WDR93: variants seen among roughly 807,000 people sequenced by gnomAD.
WDR93 encodes the protein WD repeat-containing protein 93.
A neutral mutation model predicts 82.9 loss-of-function variants in WDR93; 73 were observed. That is an observed-to-expected ratio of 0.88 (90% confidence interval 0.73 to 1.07). WDR93 has a LOEUF of 1.07. Ranked by LOEUF, WDR93 falls within the 50% of genes least tolerant of loss-of-function variation. The probability of loss-of-function intolerance (pLI) is 0.00; values close to 1 mark genes in which losing one functional copy is unlikely to be tolerated. For synonymous variants in WDR93, 283 were observed against 300.1 expected (o/e 0.94, Z 0.59); for missense variants, 738 against 826.0 (o/e 0.89, Z 1.31).
At chr15:89,698,523 TTAAG>T (rs1262101867) in intron 1 of WDR93, among the ~76,000 whole-genome samples, 2 of 152,236 alleles carry the variant, frequency 1.3e-5, no homozygotes, top group African/African-American at 4.8e-5. Flanking sequence ...CTTTTTTAAA[TTAAG>T]TATTTAAATT....
intron 1 of WDR93, among the ~76,000 whole-genome samples, chr15:89,694,949 C>T (rs1243636121): frequency 2.6e-5 from 4 of 152,010 alleles, no homozygotes; most frequent in Non-Finnish European, 4.4e-5. Flanking sequence ...CTTTTTCCAC[C>T]GAATTGTCTT....
At position 89,703,010 on chromosome 15, in the gene WDR93, A is replaced by C; in HGVS notation, c.364A>C (p.Lys122Gln). Residue 122 changes from lysine (K) to glutamine (Q), a missense_variant, in exon 3 of 17, where the codon AAA becomes CAA. By Grantham distance (53) the Lys-to-Gln change is moderately conservative. Transcript: ENST00000268130. Reference protein sequence around the residue: ...SQDYVFIGGAKGFSIYNLYSA... With the variant: ...SQDYVFIGGAQGFSIYNLYSA... The stretch of plus-strand genomic sequence containing the variant: ...AGACTATGTGTTTATTGGAGGAGCC[A>C]AAGGATTCTCAATTTATAATCTGTA... The C allele has an allele frequency of 5.0e-6, 8 of 1,614,196 alleles. No individual in the cohort carries two copies. The highest frequency in any genetic ancestry group is 6.8e-6 in the Non-Finnish European group (8 of 1,180,020).
intron 11 of WDR93, 86 bp from the exon 12 acceptor site, chr15:89,731,357 C>A: frequency 2.5e-6 from 4 of 1,571,642 alleles, no homozygotes; most frequent in Non-Finnish European, 3.5e-6. Flanking sequence ...ACAGGCAGAC[C>A]AGTCTGAGTC....
chr15:89,697,980 C>T (rs556224843), intron 1 of WDR93, among the ~76,000 whole-genome samples: 14 of 150,948 alleles, frequency 9.3e-5, no homozygotes, highest in African/African-American at 2.9e-4. Flanking sequence ...CCTGGGTTCA[C>T]GCCATTCTCC....
At chr15:89,738,300 G>A (rs2141719423) in intron 16 of WDR93, 64 bp downstream of exon 16, 1 of 1,488,592 alleles carries the variant, frequency 6.7e-7, no homozygotes, top group Non-Finnish European at 9.0e-7. Context: ...GAGGGATAGT[G>A]GAGTTTCTTT....
At chr15:89,692,738 C>CTGGG (rs1002211605) in intron 1 of WDR93, among the ~76,000 whole-genome samples, 4 of 152,150 alleles carry the variant, frequency 2.6e-5, no homozygotes, top group African/African-American at 9.7e-5. Context: ...GCCTCCTGAG[C>CTGGG]TGGGATTACA....
At chr15:89,699,622 GTTC>G (rs147983497) in intron 1 of WDR93, among the ~76,000 whole-genome samples, 66,002 of 151,290 alleles carry the variant, frequency 0.44, 14,805 homozygotes, top group African/African-American at 0.5. Context: ...TCACACCTCA[GTTC>G]TTCTCTTTTT....
At chr15:89,690,704 G>GA, upstream of WDR93, 2 of 1,141,480 alleles carry the variant, frequency 1.8e-6, no homozygotes, top group Non-Finnish European at 1.3e-6. Context: ...CGGATCCCCA[G>GA]GGAACGGTCA....
rs371255543 is a variant in WDR93 at position 89,738,044 on chromosome 15, A to G, written c.1769A>G (p.Asp590Gly). Residue 590 changes from aspartate (D) to glycine (G), a missense_variant, in exon 16 of 17, where the codon GAC becomes GGC. By Grantham distance (94) the Asp-to-Gly change is moderately conservative. Coordinates refer to ENST00000268130, the MANE Select transcript of WDR93 (RefSeq NM_020212.2). The stretch of plus-strand genomic sequence containing the variant: ...TGGTGTTCTTGTCTCGTCACAGGAG[A>G]CTATTCACATGAAACTGCGTCCACC... The part of the protein sequence containing the change: ...PDHPCFLLRG[D>G]YSHETASTDD... 6 of 1,608,248 alleles carry G rather than the reference A, an allele frequency of 3.7e-6. No individual in the cohort carries two copies. The highest frequency in any genetic ancestry group is 5.1e-6 in the Non-Finnish European group (6 of 1,177,106).
chr15:89,714,079 T>G (rs1335365672), intron 5 of WDR93, among the ~76,000 whole-genome samples: 1 of 152,134 alleles, frequency 6.6e-6, no homozygotes, highest in Non-Finnish European at 1.5e-5. Context: ...AACCCATGGG[T>G]TGTTATCTCC....
Position 89,737,651 on chromosome 15 carries a change from C to T in WDR93, c.1687C>T (p.Pro563Ser). 1 of 1,614,210 alleles carries T rather than the reference C, an allele frequency of 6.2e-7. No individual in the cohort carries two copies. The highest frequency in any genetic ancestry group is 8.5e-7 in the Non-Finnish European group (1 of 1,180,042). ...KREIICAFAP[P>S]GAFPLEVPWK... ...TGAAATCATCTGTGCCTTTGCCCCT[C>T]CGGGAGCCTTTCCTCTGGAGGTCCC... Residue 563 changes from proline to serine, a missense_variant, in exon 15 of 17, where the codon CCG (proline) becomes TCG (serine). Transcript: ENST00000268130.
Position 89,738,031 on chromosome 15 carries a change from C to G in WDR93, c.1766-10C>G, listed in dbSNP as rs776419507. 1.9e-5 allele frequency: 31 copies of G among 1,597,906 alleles called. No individual in the cohort carries two copies. Among genetic ancestry groups the G allele is most frequent in the Non-Finnish European group, 2.6e-5 (31 of 1,171,970 alleles). ...GTTACACAGAACATGGTGTTCTTGT[C>G]TCGTCACAGGAGACTATTCACATGA... On this transcript the variant is annotated splice_polypyrimidine_tract_variant and intron_variant, in intron 15 of 16. Transcript: ENST00000268130.
At chr15:89,714,923 G>A in intron 5 of WDR93, 57 bp from the exon 6 acceptor site, 1 of 1,470,114 alleles carries the variant, frequency 6.8e-7, no homozygotes, top group Non-Finnish European at 9.4e-7. Flanking sequence ...CCATTTCTCA[G>A]AGGAAACTTG....
At chr15:89,740,968 C>T (rs1967624750) in intron 16 of WDR93, among the ~76,000 whole-genome samples, 1 of 151,850 alleles carries the variant, frequency 6.6e-6, no homozygotes, top group Non-Finnish European at 1.5e-5. Flanking sequence ...GGTGAAACCC[C>T]GTCTCTACTA....
intron 5 of WDR93, among the ~76,000 whole-genome samples, chr15:89,713,907 C>G (rs1194113378): frequency 6.6e-6 from 1 of 152,126 alleles, no homozygotes; most frequent in Admixed American, 6.5e-5. Context: ...CCCTCAGAGT[C>G]CTAGAGGCCA....
At position 89,712,396 on chromosome 15, in the gene WDR93, C is replaced by CTTTTTTTTTT. The variant is rs1170109589; in HGVS notation, c.640+306_640+315dup. On this transcript the variant is annotated intron_variant, in intron 5 of 16. Transcript: ENST00000268130. ...GGATTTCACTAGTTTTTCCACTAATCTTTTTTTTTTTTTTTTTTTTTTTGC... is the reference window on the plus strand; with the variant it reads ...GGATTTCACTAGTTTTTCCACTAATCTTTTTTTTTTTTTTTTTTTTTTTTTTTTTTTTTGC... Among the ~76,000 whole-genome samples, 42 of 80,512 alleles carry CTTTTTTTTTT rather than the reference C, an allele frequency of 5.2e-4. 2 individuals carry two copies. The highest frequency in any genetic ancestry group is 1.0e-3 in the African/African-American group (19 of 18,228). The allele number at this position is 80,512 out of a possible 152,430, so 52.8% of individuals were successfully genotyped here.
chr15:89,728,605 T>G (rs1966828428), intron 9 of WDR93, among the ~76,000 whole-genome samples: 1 of 152,206 alleles, frequency 6.6e-6, no homozygotes, highest in South Asian at 2.1e-4. Context: ...CATGAAAATC[T>G]GCAAACCCTA....
Position 89,727,163 on chromosome 15 carries a change from C to CATT in WDR93, c.888_890dup (p.Thr296_Phe297insLeu). The CATT allele has an allele frequency of 1.2e-6, 2 of 1,613,390 alleles. No homozygotes were observed. Among genetic ancestry groups the CATT allele is most frequent in the Non-Finnish European group, 1.7e-6 (2 of 1,179,552 alleles). On this transcript the variant is annotated inframe_insertion, in exon 9 of 17. Coordinates refer to ENST00000268130, the MANE Select transcript of WDR93 (RefSeq NM_020212.2). ...TGTAATATTTTCAACCTAGGCACCA[C>CATT]ATTCAAAAGCCCCCTGGAAGTCTTT...
At chr15:89,714,601 C>T (rs903811985) in intron 5 of WDR93, among the ~76,000 whole-genome samples, 14 of 151,958 alleles carry the variant, frequency 9.2e-5, no homozygotes, top group South Asian at 2.1e-4. Flanking sequence ...AGATTACAGG[C>T]GTGAGCCGCC....
Sources: gnomAD v4.1 joint callset for allele counts (sites outside exome capture counted in the v4.1 genomes callset) on GRCh38, gnomAD v4.1.1 for gene constraint, MANE v1.5 for transcripts, NCBI Gene and HGNC (gene_info 2026-07-23, HGNC 2026-07-21) for gene names.